The following HNF4G variants were observed in gnomAD, a reference collection of about 807,000 sequenced individuals.
The protein encoded by HNF4G is hepatocyte nuclear factor 4 gamma.
Under a neutral mutation model 50.9 loss-of-function variants are expected in HNF4G, and 21 were observed. The ratio of observed to expected loss-of-function variants is 0.41; its 90% CI spans 0.29 to 0.59. The LOEUF (loss-of-function observed/expected upper bound fraction) is 0.59, where lower values mean the gene tolerates loss of function less well. Ranked by LOEUF, HNF4G falls within the 20% of genes least tolerant of loss-of-function variation. HNF4G has a pLI of 0.26. For synonymous variants in HNF4G, 198 were observed against 185.6 expected (o/e 1.07, Z -0.54); for missense variants, 527 against 559.4 (o/e 0.94, Z 0.58).
chr8:75,558,538 C>T lies in HNF4G; in HGVS notation c.754C>T (p.Arg252Cys), dbSNP rs548876611. Residue 252 changes from arginine to cysteine, a missense_variant, in exon 7 of 10, where the codon CGC becomes TGC. Arg to Cys is a radical substitution (Grantham distance 180). Around this residue, in one of 5 missense-constraint regions of HNF4G, gnomAD observed 308 missense variants for 301.5 expected, o/e 1.02. Transcript: ENST00000396423. The part of the protein sequence containing the change: ...LLLGNNYVIH[R>C]NSCEVEISRV... ...CATAGGAAACAACTATGTTATTCAC[C>T]GCAACAGCTGTGAAGTTGAGATTAG... is the stretch of plus-strand genomic sequence containing the variant. The T allele has an allele frequency of 6.2e-6, 10 of 1,612,680 alleles. No homozygotes were observed. Among genetic ancestry groups the T allele is most frequent in the South Asian group, 1.1e-5 (1 of 90,812 alleles).
intron 1 of HNF4G, among the ~76,000 whole-genome samples, chr8:75,541,567 T>C (rs888830961): frequency 1.3e-5 from 2 of 151,918 alleles, no homozygotes. Flanking sequence ...TACTCAGAAA[T>C]ATTAGTAAGT....
At chr8:75,425,214 A>T (rs1473277930) in intron 1 of HNF4G, among the ~76,000 whole-genome samples, 1 of 151,878 alleles carries the variant, frequency 6.6e-6, no homozygotes, top group African/African-American at 2.4e-5. Flanking sequence ...CCTCCCGAGT[A>T]GCTGGGATTA....
At chr8:75,498,922 C>G (rs146510241) in intron 2 of HNF4G, among the ~76,000 whole-genome samples, 40 of 152,162 alleles carry the variant, frequency 2.6e-4, no homozygotes, top group African/African-American at 9.4e-4. Context: ...TTATGGCAAA[C>G]TCACATCAAA....
At chr8:75,535,806 A>G (rs1159028929), upstream of HNF4G, among the ~76,000 whole-genome samples, 2 of 151,914 alleles carry the variant, frequency 1.3e-5, no homozygotes, top group African/African-American at 2.4e-5. Context: ...AATCAAATAT[A>G]AAGTATGGAA....
At chr8:75,440,352 G>A (rs1811248581) in intron 1 of HNF4G, among the ~76,000 whole-genome samples, 1 of 152,118 alleles carries the variant, frequency 6.6e-6, no homozygotes, top group Non-Finnish European at 1.5e-5. Context: ...TATTTGCAGT[G>A]GTTGCAGCTA....
chr8:75,436,616 C>A (rs1002066855), intron 1 of HNF4G, among the ~76,000 whole-genome samples: 37 of 152,100 alleles, frequency 2.4e-4, no homozygotes, highest in African/African-American at 8.7e-4. Flanking sequence ...GCTTTAAATT[C>A]AATTCCAATT....
rs182051093 is a variant in HNF4G at position 75,521,090 on chromosome 8, C to G, written c.-23-22721C>G. Among the ~76,000 whole-genome samples the G allele has an allele frequency of 2.0e-5, 3 of 152,152 alleles. No homozygotes were observed. The East Asian group carries it at 5.8e-4, about 29-fold the overall frequency. The stretch of plus-strand genomic sequence containing the variant: ...TTATCTCAAGTGGATATATTTTATA[C>G]ATGGATATTTTTAATGGAAAATAAC... On this transcript the variant is annotated intron_variant, in intron 2 of 10. Coordinates refer to the HNF4G transcript ENST00000354370.
rs149650692 is a variant in HNF4G at position 75,501,775 on chromosome 8, T to A, written c.-24+11567T>A. On this transcript the variant is annotated intron_variant, in intron 2 of 10. Coordinates refer to the HNF4G transcript ENST00000354370. ...TGGTGTTTTGAAATACGTATCTATC[T>A]TGGAATGACTGAATCAAGCTAATTA... is the stretch of plus-strand genomic sequence containing the variant. Among the ~76,000 whole-genome samples the A allele has an allele frequency of 6.5e-3, 991 of 152,290 alleles. 4 individuals carry two copies. Among genetic ancestry groups the A allele is most frequent in the Non-Finnish European group, 0.011 (716 of 68,026 alleles).
chr8:75,465,244 C>G (rs1416330947), intron 1 of HNF4G, among the ~76,000 whole-genome samples: 1 of 152,150 alleles, frequency 6.6e-6, no homozygotes, highest in East Asian at 1.9e-4. Flanking sequence ...ATATACATAA[C>G]TAGAATAATA....
intron 1 of HNF4G, among the ~76,000 whole-genome samples, chr8:75,466,325 A>G (rs897245810): frequency 1.3e-5 from 2 of 151,696 alleles, no homozygotes; most frequent in Admixed American, 1.3e-4. Flanking sequence ...CAAATTACCA[A>G]TGTCTTTTTT....
rs139215200 is a variant in HNF4G, at chr8:75,509,158, C to T, written c.-24+18950C>T. 6.4e-3 allele frequency among the ~76,000 whole-genome samples: 979 copies of T among 152,262 alleles called. 4 individuals are homozygous for T. Among genetic ancestry groups the T allele is most frequent in the African/African-American group, 0.019 (774 of 41,544 alleles). On this transcript the variant is annotated intron_variant, in intron 2 of 10. Coordinates refer to the HNF4G transcript ENST00000354370. The stretch of plus-strand genomic sequence containing the variant: ...TCAGAAGAGGATTGGCTGGAGCAAG[C>T]TGAGATATTTGTAGTTAGGCTTAGG...
chr8:75,484,065 A>G (rs1434223729), intron 1 of HNF4G, among the ~76,000 whole-genome samples: 3 of 152,214 alleles, frequency 2.0e-5, no homozygotes, highest in African/African-American at 7.2e-5. Flanking sequence ...TTCAGAACGT[A>G]AATTTTTATT....
At chr8:75,523,505 A>T (rs914084950) in intron 2 of HNF4G, among the ~76,000 whole-genome samples, 3 of 152,196 alleles carry the variant, frequency 2.0e-5, no homozygotes, top group African/African-American at 7.2e-5. Context: ...TAGATATATA[A>T]TAAACTAATG....
At chr8:75,538,609 C>T (rs1177356586), upstream of HNF4G, among the ~76,000 whole-genome samples, 2 of 152,190 alleles carry the variant, frequency 1.3e-5, no homozygotes, top group Non-Finnish European at 2.9e-5. Context: ...AAAACCACTT[C>T]TGTCTACTTC....
intron 1 of HNF4G, among the ~76,000 whole-genome samples, chr8:75,447,748 A>T (rs1226709605): frequency 1.4e-5 from 2 of 146,492 alleles, no homozygotes; most frequent in African/African-American, 5.0e-5. Flanking sequence ...ATCTCACACC[A>T]GTTAGAATGG....
At chr8:75,490,705 C>G (rs1317136245) in intron 2 of HNF4G, among the ~76,000 whole-genome samples, 1 of 151,924 alleles carries the variant, frequency 6.6e-6, no homozygotes, top group Non-Finnish European at 1.5e-5. Flanking sequence ...TTTCTTCTTA[C>G]TTAGGTTTTA....
chr8:75,535,784 T>C (rs1806448492), upstream of HNF4G, among the ~76,000 whole-genome samples: 1 of 151,856 alleles, frequency 6.6e-6, no homozygotes, highest in Non-Finnish European at 1.5e-5. Context: ...TCACGCTGTG[T>C]AAGAATGATT....
intron 1 of HNF4G, among the ~76,000 whole-genome samples, chr8:75,445,627 T>A: frequency 1.0e-5 from 1 of 99,122 alleles, no homozygotes; most frequent in Non-Finnish European, 1.9e-5. Context: ...AAATACAAAC[T>A]ACCATCAGAG....
intron 1 of HNF4G, among the ~76,000 whole-genome samples, chr8:75,409,141 T>C (rs1408971373): frequency 6.6e-6 from 1 of 152,168 alleles, no homozygotes; most frequent in Non-Finnish European, 1.5e-5. Flanking sequence ...TCTTTCCTGG[T>C]ATCACTTGAA....
Sources: allele counts gnomAD v4.1 joint callset (sites outside exome capture counted in the v4.1 genomes callset), GRCh38; gene constraint gnomAD v4.1.1; regional missense constraint gnomAD v4.1.1; transcripts MANE v1.5; gene names NCBI Gene and HGNC (gene_info 2026-07-23, HGNC 2026-07-21).